AMOTL1: variants seen among roughly 807,000 people sequenced by gnomAD.
AMOTL1 encodes the protein angiomotin-like protein 1.
AMOTL1 carries 45 observed loss-of-function variants against 102.9 expected under a neutral mutation model. The ratio of observed to expected loss-of-function variants is 0.44; its 90% confidence interval spans 0.34 to 0.56. The LOEUF (loss-of-function observed/expected upper bound fraction) is 0.56, where lower values mean the gene tolerates loss of function less well. AMOTL1 is among the 20% of genes least tolerant of loss of function. AMOTL1 has a pLI of 0.01. For synonymous variants in AMOTL1, 481 were observed against 484.7 expected, an observed-to-expected ratio of 0.99 and a Z score of 0.10; for missense variants, 1,114 against 1,225.6, an observed-to-expected ratio of 0.91 and a Z score of 1.36.
At chr11:94,811,425 G>A (rs1373302865) in intron 3 of AMOTL1, among the ~76,000 whole-genome samples, 2 of 152,220 alleles carry the variant, frequency 1.3e-5, no homozygotes, top group Non-Finnish European at 2.9e-5. Context: ...AACCCAGGAG[G>A]TGGAGGTTGC....
chr11:94,736,701 G>C (rs1950442912), intron 2 of AMOTL1, among the ~76,000 whole-genome samples: 1 of 152,186 alleles, frequency 6.6e-6, no homozygotes. Flanking sequence ...TATTCACAGA[G>C]CTGAGATGCA....
At chr11:94,725,002 A>G (rs2068909) in intron 1 of AMOTL1, among the ~76,000 whole-genome samples, 3,439 of 152,240 alleles carry the variant, frequency 0.023, 121 homozygotes, top group African/African-American at 0.079. Flanking sequence ...TAGTCAATGT[A>G]CGACCAGGGT....
At chr11:94,745,781 A>T (rs1195861014) in intron 3 of AMOTL1, among the ~76,000 whole-genome samples, 3 of 152,238 alleles carry the variant, frequency 2.0e-5, no homozygotes, top group East Asian at 1.9e-4. Flanking sequence ...CATTTAAAAC[A>T]TACTTATTTC....
intron 6 of AMOTL1, among the ~76,000 whole-genome samples, chr11:94,835,302 A>G (rs1286744663): frequency 2.0e-5 from 3 of 152,132 alleles, no homozygotes; most frequent in South Asian, 2.1e-4. Context: ...TTGTCCCTCA[A>G]CTTAACTAAG....
At chr11:94,761,211 CAG>C (rs1216697300) in intron 3 of AMOTL1, among the ~76,000 whole-genome samples, 1 of 144,780 alleles carries the variant, frequency 6.9e-6, no homozygotes, top group Non-Finnish European at 1.5e-5. Context: ...TTTTTTTAGA[CAG>C]AGTCTTGCTC....
At chr11:94,845,780 A>G (rs561368596) in intron 6 of AMOTL1, among the ~76,000 whole-genome samples, 2 of 152,324 alleles carry the variant, frequency 1.3e-5, no homozygotes, top group Admixed American at 1.3e-4. Context: ...ACATCCTTCT[A>G]TGTAAATGGG....
chr11:94,832,838 C>A (rs1349937748), intron 6 of AMOTL1, among the ~76,000 whole-genome samples: 1 of 152,194 alleles, frequency 6.6e-6, no homozygotes, highest in Non-Finnish European at 1.5e-5. Flanking sequence ...CAGTGTTGTA[C>A]ACTCTGTGGA....
intron 3 of AMOTL1, among the ~76,000 whole-genome samples, chr11:94,817,017 G>A (rs1451449567): frequency 1.3e-5 from 2 of 152,054 alleles, no homozygotes; most frequent in African/African-American, 4.8e-5. Flanking sequence ...TTTTTTTGGA[G>A]CATTAACTCA....
chr11:94,742,172 T>C (rs1197386167), intron 3 of AMOTL1, among the ~76,000 whole-genome samples: 1 of 152,276 alleles, frequency 6.6e-6, no homozygotes, highest in Non-Finnish European at 1.5e-5. Context: ...AGTGGAATTG[T>C]AGACTAAATG....
intron 11 of AMOTL1, among the ~76,000 whole-genome samples, chr11:94,868,134 C>T (rs532464834): frequency 1.3e-4 from 20 of 152,316 alleles, no homozygotes; most frequent in Non-Finnish European, 2.2e-4. Flanking sequence ...TTCCTTTTAA[C>T]GGTATAGCCA....
chr11:94,859,948 T>G (rs534089378), intron 9 of AMOTL1, among the ~76,000 whole-genome samples: 4 of 152,056 alleles, frequency 2.6e-5, no homozygotes, highest in Non-Finnish European at 5.9e-5. Context: ...TAGATATTTA[T>G]CTTAAAAAAA....
intron 11 of AMOTL1, 75 bp downstream of exon 11, chr11:94,866,243 GGAAATGTCCCT>G: frequency 7.1e-7 from 1 of 1,408,538 alleles, no homozygotes; most frequent in Non-Finnish European, 9.9e-7. Flanking sequence ...CATGGGACAC[GGAAATGTCCCT>G]GAATAGTTCC....
chr11:94,764,147 C>G (rs538313574), upstream of AMOTL1, among the ~76,000 whole-genome samples: 40 of 152,262 alleles, frequency 2.6e-4, no homozygotes, highest in Non-Finnish European at 5.0e-4. Context: ...TTCCTCTATG[C>G]TCCCATAATG....
chr11:94,794,044 G>A (rs1432610227), intron 1 of AMOTL1, among the ~76,000 whole-genome samples: 2 of 152,174 alleles, frequency 1.3e-5, no homozygotes, highest in African/African-American at 4.8e-5. Flanking sequence ...TGGCCTTGTG[G>A]GAAATGGGTA....
At chr11:94,745,793 C>T (rs896286177) in intron 3 of AMOTL1, among the ~76,000 whole-genome samples, 1 of 152,036 alleles carries the variant, frequency 6.6e-6, no homozygotes, top group Non-Finnish European at 1.5e-5. Flanking sequence ...ACTTATTTCC[C>T]AAGATTGAAG....
chr11:94,845,359 C>G (rs1317294208), intron 6 of AMOTL1, among the ~76,000 whole-genome samples: 3 of 152,174 alleles, frequency 2.0e-5, no homozygotes, highest in African/African-American at 7.2e-5. Flanking sequence ...GGTGGAGACA[C>G]AAATGGGACC....
At chr11:94,723,718 G>A (rs1479717945) in intron 1 of AMOTL1, among the ~76,000 whole-genome samples, 1 of 152,104 alleles carries the variant, frequency 6.6e-6, no homozygotes, top group Non-Finnish European at 1.5e-5. Flanking sequence ...CAGAGGAGGA[G>A]TCTATCCCTC....
chr11:94,764,866 T>A (rs1950836618), upstream of AMOTL1, among the ~76,000 whole-genome samples: 1 of 152,216 alleles, frequency 6.6e-6, no homozygotes, highest in South Asian at 2.1e-4. Flanking sequence ...ATTATCTCAT[T>A]TAACCCTTGC....
At chr11:94,835,431 G>A (rs545881152) in intron 6 of AMOTL1, among the ~76,000 whole-genome samples, 2 of 152,320 alleles carry the variant, frequency 1.3e-5, no homozygotes, top group Admixed American at 6.5e-5. Context: ...TGTCTTCTCA[G>A]TCACGGAAAC....
Sources: gnomAD v4.1 joint callset for allele counts (sites outside exome capture counted in the v4.1 genomes callset) on GRCh38, gnomAD v4.1.1 for gene constraint, MANE v1.5 for transcripts, NCBI Gene and HGNC (gene_info 2026-07-23, HGNC 2026-07-21) for gene names.